The following WWOX variants were observed in gnomAD, a reference collection of about 807,000 sequenced individuals.
The protein encoded by WWOX is WW domain-containing oxidoreductase.
In WWOX, 69 loss-of-function variants were observed where a neutral mutation model predicts 46.2. The ratio of observed to expected loss-of-function variants is 1.49; its 90% CI spans 1.23 to 1.82. The LOEUF is 1.82. WWOX is among the 40% of genes most tolerant of loss of function. The pLI is 0.00. For missense variants in WWOX, 919 were observed against 542.6 expected (o/e 1.69, Z -6.89); for synonymous variants, 359 against 202.6 (o/e 1.77, Z -6.56).
chr16:78,912,996 T>C (rs1462517433), intron 8 of WWOX, among the ~76,000 whole-genome samples: 1 of 152,046 alleles, frequency 6.6e-6, no homozygotes, highest in East Asian at 1.9e-4. Flanking sequence ...GAAGGATGAT[T>C]AGCCTTCCAT....
At chr16:78,699,443 G>C (rs895644102) in intron 8 of WWOX, among the ~76,000 whole-genome samples, 1 of 152,124 alleles carries the variant, frequency 6.6e-6, no homozygotes, top group African/African-American at 2.4e-5. Flanking sequence ...GGAGGCTGAA[G>C]TGGGAAGATA....
intron 8 of WWOX, among the ~76,000 whole-genome samples, chr16:78,782,566 C>T (rs1257324941): frequency 2.0e-5 from 3 of 152,126 alleles, no homozygotes; most frequent in Non-Finnish European, 2.9e-5. Flanking sequence ...GCATTCCCTT[C>T]CGTCCACCAG....
intron 8 of WWOX, chr16:78,535,170 C>G (rs979494796): frequency 1.3e-5 from 2 of 152,212 alleles, no homozygotes; most frequent in East Asian, 1.9e-4. Flanking sequence ...GATCCTTGTA[C>G]TCTTCGAACA....
intron 8 of WWOX, among the ~76,000 whole-genome samples, chr16:78,743,185 T>G (rs939856039): frequency 3.9e-5 from 6 of 152,104 alleles, no homozygotes; most frequent in Non-Finnish European, 8.8e-5. Flanking sequence ...AGGTTCATGC[T>G]GGCAGAGGAG....
chr16:78,502,842 G>A (rs760231751), intron 8 of WWOX, among the ~76,000 whole-genome samples: 2 of 152,144 alleles, frequency 1.3e-5, no homozygotes, highest in African/African-American at 4.8e-5. Flanking sequence ...AGTATGACTC[G>A]TAACTGTTAA....
intron 8 of WWOX, among the ~76,000 whole-genome samples, chr16:78,871,024 G>T (rs1410287406): frequency 6.6e-6 from 1 of 152,112 alleles, no homozygotes; most frequent in Admixed American, 6.5e-5. Context: ...TAATTCTTCT[G>T]GGGAAATTAA....
At chr16:79,188,799 G>A (rs749807584) in intron 8 of WWOX, among the ~76,000 whole-genome samples, 11 of 152,198 alleles carry the variant, frequency 7.2e-5, no homozygotes, top group African/African-American at 2.4e-4. Flanking sequence ...GTGGGGTTCA[G>A]TGTTTGCTTT....
intron 4 of WWOX, among the ~76,000 whole-genome samples, chr16:78,143,982 A>T (rs1032780547): frequency 1.3e-5 from 2 of 152,148 alleles, no homozygotes; most frequent in Non-Finnish European, 2.9e-5. Context: ...CATGTTGTAA[A>T]ACCCATACAT....
chr16:78,322,003 A>C (rs1192463079), intron 5 of WWOX, among the ~76,000 whole-genome samples: 2 of 152,364 alleles, frequency 1.3e-5, no homozygotes, highest in African/African-American at 4.8e-5. Context: ...AATTCAAATC[A>C]GTGCATGAGA....
intron 8 of WWOX, among the ~76,000 whole-genome samples, chr16:78,612,748 A>G (rs1397563199): frequency 6.6e-6 from 1 of 152,120 alleles, no homozygotes; most frequent in East Asian, 1.9e-4. Context: ...AAGTGCTGGG[A>G]TTACAGGCAT....
intron 5 of WWOX, among the ~76,000 whole-genome samples, chr16:78,210,643 G>A (rs1210043919): frequency 2.6e-5 from 4 of 152,154 alleles, no homozygotes; most frequent in South Asian, 4.2e-4. Context: ...GCCACTTTGG[G>A]GCTTGTTTAA....
At chr16:78,948,729 C>G (rs113214214) in intron 8 of WWOX, among the ~76,000 whole-genome samples, 1,914 of 152,236 alleles carry the variant, frequency 0.013, 24 homozygotes, top group Non-Finnish European at 0.019. Flanking sequence ...CCCTCGACAT[C>G]TCCTCTGTTG....
At chr16:78,786,193 A>G (rs1031310548) in intron 8 of WWOX, among the ~76,000 whole-genome samples, 1 of 152,164 alleles carries the variant, frequency 6.6e-6, no homozygotes, top group African/African-American at 2.4e-5. Flanking sequence ...TACAGGCGTG[A>G]GCCACCGCGC....
intron 7 of WWOX, among the ~76,000 whole-genome samples, chr16:78,426,458 A>G (rs2083080412): frequency 6.6e-6 from 1 of 152,148 alleles, no homozygotes; most frequent in Admixed American, 6.5e-5. Context: ...TTGCTTAACT[A>G]CGGTGTAATT....
At chr16:78,748,511 A>G (rs1259924962) in intron 8 of WWOX, among the ~76,000 whole-genome samples, 1 of 152,090 alleles carries the variant, frequency 6.6e-6, no homozygotes. Context: ...TGCCATTCTT[A>G]TTAGGGTCTT....
Position 78,329,846 on chromosome 16 carries a change from C to T in WWOX, c.517-57014C>T, listed in dbSNP as rs925900730. On this transcript the variant is annotated intron_variant, in intron 5 of 8. Coordinates refer to ENST00000566780, the MANE Select transcript of WWOX (RefSeq NM_016373.4). ...ACTGCAGCCTCAAACTCTTTGGCTC[C>T]AGTGATTCTCCCACCTCAACCTCCC... Among the ~76,000 whole-genome samples, 138 of 151,728 alleles carry T rather than the reference C, an allele frequency of 9.1e-4. 2 individuals carry two copies. Among genetic ancestry groups the T allele is most frequent in the African/African-American group, 3.2e-3 (134 of 41,360 alleles).
intron 8 of WWOX, among the ~76,000 whole-genome samples, chr16:78,662,545 G>A (rs2047240043): frequency 6.6e-6 from 1 of 152,158 alleles, no homozygotes; most frequent in Non-Finnish European, 1.5e-5. Context: ...TTGCAAGGAT[G>A]CAGGATGAGG....
intron 8 of WWOX, among the ~76,000 whole-genome samples, chr16:78,738,767 G>T (rs962356298): frequency 4.6e-5 from 7 of 152,128 alleles, no homozygotes; most frequent in African/African-American, 1.2e-4. Flanking sequence ...GGTTAGACCA[G>T]GGCTGTGCAA....
chr16:78,870,302 A>T (rs1046478072), intron 8 of WWOX, among the ~76,000 whole-genome samples: 9 of 152,136 alleles, frequency 5.9e-5, no homozygotes, highest in African/African-American at 2.2e-4. Context: ...ATAGACACAC[A>T]TTACTTCTTT....
Sources: allele counts gnomAD v4.1 joint callset (sites outside exome capture counted in the v4.1 genomes callset), GRCh38; gene constraint gnomAD v4.1.1; transcripts MANE v1.5; gene names NCBI Gene and HGNC (gene_info 2026-07-23, HGNC 2026-07-21).